The following ADAM12 variants were observed in gnomAD, a reference collection of about 807,000 sequenced individuals.
ADAM12 encodes the protein ADAM metallopeptidase domain 12, also known as disintegrin and metalloproteinase domain-containing protein 12.
A neutral mutation model predicts 106.4 loss-of-function variants in ADAM12; 70 were observed. The ratio of observed to expected loss-of-function variants is 0.66; its 90% CI spans 0.54 to 0.80. The LOEUF (loss-of-function observed/expected upper bound fraction) is 0.80. ADAM12 is among the 30% of genes least tolerant of loss of function. ADAM12 has a pLI of 0.00. For missense variants in ADAM12, 1,010 were observed against 1,171.9 expected, an observed-to-expected ratio of 0.86 and a Z score of 2.02; for synonymous variants, 420 against 433.5, an observed-to-expected ratio of 0.97 and a Z score of 0.39.
Position 126,113,729 on chromosome 10 carries a change from T to TAA in ADAM12, c.604-3890_604-3889insTT, listed in dbSNP as rs1374593227. 9.1e-4 allele frequency among the ~76,000 whole-genome samples: 29 copies of TAA among 31,848 alleles called. 1 individual carries two copies. The highest frequency in any genetic ancestry group is 4.2e-3 in the African/African-American group (27 of 6,370). 20.9% of individuals were successfully genotyped at this position (31,848 alleles called of 152,430 possible). A position where few individuals can be genotyped will look rare whatever the true frequency, so the allele number is the denominator to read the frequency against. ...ATATATATATATATATATATATATA[T>TAA]ATAATATATTGCTCTGGCTACTGGA... On this transcript the variant is annotated intron_variant, in intron 6 of 22. Transcript: ENST00000448723.
chr10:126,086,680 A>AAAAATATATATATAT (rs1554966976), intron 11 of ADAM12, among the ~76,000 whole-genome samples: 11 of 24,242 alleles, frequency 4.5e-4, no homozygotes, highest in Non-Finnish European at 5.3e-4. Context: ...AAAAAAAAAA[A>AAAAATATATATATAT]ATATATATAT....
At chr10:126,280,797 G>C (rs891938660) in intron 2 of ADAM12, among the ~76,000 whole-genome samples, 13 of 151,920 alleles carry the variant, frequency 8.6e-5, no homozygotes, top group Admixed American at 7.2e-4. Flanking sequence ...ATCTTTTCTG[G>C]GTTTACACAG....
At chr10:126,240,307 C>T (rs1158983550) in intron 3 of ADAM12, among the ~76,000 whole-genome samples, 2 of 152,216 alleles carry the variant, frequency 1.3e-5, no homozygotes, top group African/African-American at 4.8e-5. Context: ...GTGGCACAGG[C>T]GATGCTCTGG....
In ADAM12 at chr10:126,299,581, T is replaced by C. The variant is rs574239344; in HGVS notation, c.187-20593A>G. Among the ~76,000 whole-genome samples, 262 of 152,316 alleles carry C rather than the reference T, an allele frequency of 1.7e-3. 1 individual carries two copies. The highest frequency in any genetic ancestry group is 6.1e-3 in the African/African-American group (252 of 41,584). On this transcript the variant is annotated intron_variant, in intron 2 of 22. Transcript: ENST00000448723. ...ACTCCCCCACCCCTAAAAAGTCACA[T>C]ACATGAATGCTCATGTTGAATTTAC...
chr10:126,365,205 A>T (rs1368173436), intron 1 of ADAM12, among the ~76,000 whole-genome samples: 5 of 152,192 alleles, frequency 3.3e-5, no homozygotes, highest in African/African-American at 9.6e-5. Context: ...TGTATTAATA[A>T]CTGATCATTT....
intron 3 of ADAM12, among the ~76,000 whole-genome samples, chr10:126,169,910 A>G (rs1957088661): frequency 6.6e-6 from 1 of 152,206 alleles, no homozygotes; most frequent in Admixed American, 6.5e-5. Flanking sequence ...GGTATCTCAG[A>G]GTCTTCTGAT....
intron 3 of ADAM12, among the ~76,000 whole-genome samples, chr10:126,235,933 G>A (rs939937106): frequency 2.0e-5 from 3 of 152,142 alleles, no homozygotes; most frequent in South Asian, 2.1e-4. Context: ...CATGGGCTGC[G>A]CAGGACCTGG....
At chr10:126,170,270 A>G (rs1426727696) in intron 3 of ADAM12, among the ~76,000 whole-genome samples, 1 of 152,050 alleles carries the variant, frequency 6.6e-6, no homozygotes, top group Non-Finnish European at 1.5e-5. Context: ...TTTCCATACC[A>G]TCGTGGCCAG....
intron 3 of ADAM12, among the ~76,000 whole-genome samples, chr10:126,218,000 A>G (rs1958020064): frequency 6.6e-6 from 1 of 151,756 alleles, no homozygotes; most frequent in Admixed American, 6.6e-5. Flanking sequence ...AGATTACACT[A>G]TTTTCTAATT....
chr10:126,388,334 T>G lies in ADAM12; in HGVS notation c.-189A>C. The G allele has an allele frequency of 3.2e-6, 3 of 933,294 alleles. No homozygotes were observed. Among genetic ancestry groups the G allele is most frequent in the Admixed American group, 4.7e-5 (1 of 21,132 alleles). 57.8% of individuals were successfully genotyped at this position (933,294 alleles called of 1,614,324 possible). A position where few individuals can be genotyped will look rare whatever the true frequency, so the allele number is the denominator to read the frequency against. On this transcript the variant is annotated 5_prime_UTR_variant, in exon 1 of 23. Coordinates refer to ENST00000448723, the MANE Select transcript of ADAM12 (RefSeq NM_001288973.2). This position sits in a 1 kb window ranked among gnomAD's most constrained non-coding sequence, Gnocchi z 4.4. ...TCTAGCCTTTCATTTTTAAAAAAGTTTCCCCCCGTGTGTGTGCGTGCGTGC... is the reference window on the plus strand; with the variant it reads ...TCTAGCCTTTCATTTTTAAAAAAGTGTCCCCCCGTGTGTGTGCGTGCGTGC...
intron 3 of ADAM12, among the ~76,000 whole-genome samples, chr10:126,266,601 C>T (rs540345959): frequency 1.3e-4 from 20 of 152,264 alleles, no homozygotes; most frequent in African/African-American, 3.6e-4. Flanking sequence ...AGTCCGTTCT[C>T]GCACTGTTAC....
At chr10:126,085,658 GTCCA>G (rs1357472556) in intron 11 of ADAM12, among the ~76,000 whole-genome samples, 1 of 151,714 alleles carries the variant, frequency 6.6e-6, no homozygotes, top group Non-Finnish European at 1.5e-5. Flanking sequence ...TTGTCTGTCT[GTCCA>G]TCCGTCCATC....
At chr10:126,068,602 T>G (rs2133489940) in intron 12 of ADAM12, among the ~76,000 whole-genome samples, 1 of 152,334 alleles carries the variant, frequency 6.6e-6, no homozygotes, top group South Asian at 2.1e-4. Context: ...TTGTCAGGAT[T>G]TCCTTATGTT....
intron 3 of ADAM12, among the ~76,000 whole-genome samples, chr10:126,264,174 A>G (rs1481860084): frequency 3.3e-5 from 5 of 152,214 alleles, no homozygotes; most frequent in African/African-American, 1.2e-4. Context: ...TGTAAAAACC[A>G]TTTCCCACAA....
At chr10:126,188,672 C>T (rs1229972839) in intron 3 of ADAM12, among the ~76,000 whole-genome samples, 1 of 152,146 alleles carries the variant, frequency 6.6e-6, no homozygotes, top group Non-Finnish European at 1.5e-5. Flanking sequence ...CATGACATAT[C>T]TTTGTACGCC....
intron 3 of ADAM12, among the ~76,000 whole-genome samples, chr10:126,210,460 C>T (rs1957879515): frequency 6.6e-6 from 1 of 152,178 alleles, no homozygotes; most frequent in African/African-American, 2.4e-5. Context: ...GCAATGACCA[C>T]ACAGCATGTC....
intron 11 of ADAM12, among the ~76,000 whole-genome samples, chr10:126,087,063 C>T (rs886350286): frequency 6.6e-6 from 1 of 151,726 alleles, no homozygotes; most frequent in South Asian, 2.1e-4. Context: ...AAAAGTTCAT[C>T]GATGAAACAG....
intron 2 of ADAM12, among the ~76,000 whole-genome samples, chr10:126,321,613 G>A (rs1310199070): frequency 6.6e-6 from 1 of 152,136 alleles, no homozygotes; most frequent in Non-Finnish European, 1.5e-5. Context: ...CTGGCAGGGA[G>A]TTGGGATGCA....
At chr10:126,192,763 C>T (rs1231220606) in intron 3 of ADAM12, among the ~76,000 whole-genome samples, 4 of 152,166 alleles carry the variant, frequency 2.6e-5, no homozygotes, top group African/African-American at 9.6e-5. Flanking sequence ...AGCATGGAGG[C>T]CAGTGAAATT....
Sources: gnomAD v4.1 joint callset for allele counts (sites outside exome capture counted in the v4.1 genomes callset) on GRCh38, gnomAD v4.1.1 for gene constraint, Gnocchi (gnomAD v3.1) non-coding constraint, MANE v1.5 for transcripts, NCBI Gene and HGNC (gene_info 2026-07-23, HGNC 2026-07-21) for gene names.